SPDEF: variants seen among roughly 807,000 people sequenced by gnomAD.
SPDEF encodes SAM pointed domain-containing Ets transcription factor.
A neutral mutation model predicts 36.0 loss-of-function variants in SPDEF; 12 were observed. The ratio of observed to expected loss-of-function variants is 0.33; its 90% CI spans 0.21 to 0.54. The LOEUF is 0.54. Among genes scored for constraint, SPDEF ranks in the 20% least tolerant of loss-of-function variants. The probability of loss-of-function intolerance (pLI) is 0.93; values close to 1 mark genes in which losing one functional copy is unlikely to be tolerated. For missense variants in SPDEF, 388 were observed against 456.9 expected, an observed-to-expected ratio of 0.85 and a Z score of 1.37; for synonymous variants, 205 against 193.0, an observed-to-expected ratio of 1.06 and a Z score of -0.51.
chr6:34,545,511 C>T (rs1561979393), intron 1 of SPDEF, among the ~76,000 whole-genome samples: 2 of 152,256 alleles, frequency 1.3e-5, no homozygotes, highest in East Asian at 3.8e-4. Flanking sequence ...AAACCAATAG[C>T]AGAGTGCACA....
intron 1 of SPDEF, among the ~76,000 whole-genome samples, chr6:34,551,034 C>A (rs143504516): frequency 3.3e-5 from 5 of 152,328 alleles, no homozygotes; most frequent in Non-Finnish European, 5.9e-5. Context: ...GCTGGGGCAG[C>A]CAGCATTATT....
rs191776876 is a variant in SPDEF at position 34,540,697 on chromosome 6, G to A, written c.634+287C>T. Among the ~76,000 whole-genome samples the A allele has an allele frequency of 4.4e-3, 671 of 152,264 alleles. 6 individuals carry two copies. The highest frequency in any genetic ancestry group is 0.014 in the African/African-American group (599 of 41,544). On this transcript the variant is annotated intron_variant, in intron 3 of 5. Coordinates refer to ENST00000374037, the MANE Select transcript of SPDEF (RefSeq NM_012391.3). ...GGAAAAAGGACTTCCTAGTATCCAC[G>A]GTTGTCCCCAGCTCTGACATCCTGC...
intron 2 of SPDEF, among the ~76,000 whole-genome samples, chr6:34,543,511 TTG>T (rs1393504569): frequency 6.6e-6 from 1 of 152,208 alleles, no homozygotes; most frequent in Non-Finnish European, 1.5e-5. Flanking sequence ...TTTCATTTTT[TTG>T]TTTGTTTTCT....
Position 34,544,156 on chromosome 6 carries a change from G to A in SPDEF, c.300C>T (p.Ala100=). The A allele has an allele frequency of 6.2e-7, 1 of 1,613,862 alleles. No individual in the cohort carries two copies. The highest frequency in any genetic ancestry group is 1.3e-5 in the African/African-American group (1 of 75,054). The change falls in exon 2 of 6, where the codon GCC becomes GCT. Residue 100 remains alanine, a synonymous_variant. Transcript: ENST00000374037. The surrounding 1 kb of genome is among the most constrained non-coding windows in gnomAD (Gnocchi z 4.4). ...PEQCPVIDSQ[A]PAGSLDLVPG... ...GCACCAAGTCCAGGCTGCCCGCTGG[G>A]GCTTGGCTGTCAATGACCGGGCACT...
Position 34,544,048 on chromosome 6 carries a change from C to T in SPDEF, c.408G>A (p.Thr136=), listed in dbSNP as rs111689760. 1.1e-4 allele frequency: 177 copies of T among 1,611,874 alleles called. No homozygotes were observed. The African/African-American group carries it at 1.3e-3, about 12-fold the overall frequency. The part of the protein sequence containing the change: ...VVGEVLKDIE[T]ACKLLNITAD... The stretch of plus-strand genomic sequence containing the variant: ...CGGTGATGTTGAGCAGCTTGCAGGC[C>T]GTCTCGATGTCCTTGAGCACTTCGC... Residue 136 remains threonine (T), a synonymous_variant, in exon 2 of 6, where the codon ACG becomes ACA. Coordinates refer to ENST00000374037, the MANE Select transcript of SPDEF (RefSeq NM_012391.3). The surrounding 1 kb of genome is among the most constrained non-coding windows in gnomAD (Gnocchi z 4.4).
At position 34,544,503 on chromosome 6, in the gene SPDEF, A is replaced by C; in HGVS notation, c.-29-19T>G. The C allele has an allele frequency of 6.8e-7, 1 of 1,477,822 alleles. No homozygotes were observed. Among genetic ancestry groups the C allele is most frequent in the East Asian group, 2.4e-5 (1 of 42,058 alleles). 91.5% of individuals were successfully genotyped at this position (1,477,822 alleles called of 1,614,324 possible). Reference sequence around the variant, plus strand: ...GCTGTGTCTACGGAAATGAAAGAGGACTCAGGTTTGACTGCTTCTCCATCC... The same window carrying C: ...GCTGTGTCTACGGAAATGAAAGAGGCCTCAGGTTTGACTGCTTCTCCATCC... On this transcript the variant is annotated intron_variant, in intron 1 of 5. Coordinates refer to ENST00000374037, the MANE Select transcript of SPDEF (RefSeq NM_012391.3). This position sits in a 1 kb window ranked among gnomAD's most constrained non-coding sequence, Gnocchi z 4.4.
In SPDEF at chr6:34,542,060, C is replaced by T. The variant is rs530584002; in HGVS notation, c.437-879G>A. 1.1e-3 allele frequency among the ~76,000 whole-genome samples: 169 copies of T among 152,336 alleles called. No homozygotes were observed. The Middle Eastern group carries it at 0.027, about 25-fold the overall frequency. ...ATTGTTGAGGGAGCAGGGCCCTCCC[C>T]TCCCTAGCCCTGTGGGTGGGGAGGA... is the stretch of plus-strand genomic sequence containing the variant. On this transcript the variant is annotated intron_variant, in intron 2 of 5. Coordinates refer to ENST00000374037, the MANE Select transcript of SPDEF (RefSeq NM_012391.3).
intron 1 of SPDEF, among the ~76,000 whole-genome samples, chr6:34,553,118 G>A (rs550567063): frequency 3.9e-5 from 6 of 152,172 alleles, no homozygotes; most frequent in Admixed American, 1.3e-4. Flanking sequence ...GGTCCCATCC[G>A]ACCCCCAGCA....
Position 34,538,213 on chromosome 6 carries a change from T to C in SPDEF, c.*61A>G. On this transcript the variant is annotated 3_prime_UTR_variant, in exon 6 of 6. Transcript: ENST00000374037. The surrounding 1 kb of genome is among the most constrained non-coding windows in gnomAD (Gnocchi z 5.9). ...GTTTTCCCCCATCTCAGGGCCTGGC[T>C]GAGGCAGGGCAGGCAGGAGAGAGGC... 1.3e-6 allele frequency: 2 copies of C among 1,539,372 alleles called. No individual in the cohort carries two copies. Among genetic ancestry groups the C allele is most frequent in the Non-Finnish European group, 1.8e-6 (2 of 1,126,404 alleles).
Position 34,539,294 on chromosome 6 carries a change from G to T in SPDEF, c.785C>A (p.Pro262His). 2 of 1,613,954 alleles carry T rather than the reference G, an allele frequency of 1.2e-6. No homozygotes were observed. The highest frequency in any genetic ancestry group is 2.2e-5 in the South Asian group (2 of 91,084). The change falls in exon 5 of 6, where the codon CCC (proline) becomes CAC (histidine). Residue 262 changes from proline to histidine, a missense_variant. Transcript: ENST00000374037. The surrounding 1 kb of genome is among the most constrained non-coding windows in gnomAD (Gnocchi z 5.2). ...CCTAATGAAGCGGCCATAGCTGTGG[G>T]GCTTGAGTAGCAACTCCTTGAGGAA... ...WQFLKELLLKPHSYGRFIRWL... is the reference protein window; with the variant it reads ...WQFLKELLLKHHSYGRFIRWL...
chr6:34,538,167 G>C lies in SPDEF; in HGVS notation c.*107C>G, dbSNP rs1767733942. 5 of 1,279,832 alleles carry C rather than the reference G, an allele frequency of 3.9e-6. No homozygotes were observed. In the South Asian group the frequency reaches 4.1e-5, roughly 11 times the overall value. The allele number at this position is 1,279,832 out of a possible 1,614,324, so 79.3% of individuals were successfully genotyped here. ...CCTGACCTTGGGCTCTGGAAGGTCA[G>C]AGCAGCAGAGCAGACTGCCCGTTTT... On this transcript the variant is annotated 3_prime_UTR_variant, in exon 6 of 6. Coordinates refer to ENST00000374037, the MANE Select transcript of SPDEF (RefSeq NM_012391.3). The surrounding 1 kb of genome is among the most constrained non-coding windows in gnomAD (Gnocchi z 5.9).
Position 34,555,087 on chromosome 6 carries a change from G to T in SPDEF, c.-30+842C>A, listed in dbSNP as rs545344728. Among the ~76,000 whole-genome samples the T allele has an allele frequency of 6.6e-6, 1 of 151,594 alleles. No individual in the cohort carries two copies. The highest frequency in any genetic ancestry group is 1.5e-5 in the Non-Finnish European group (1 of 67,850). On this transcript the variant is annotated intron_variant, in intron 1 of 5. Transcript: ENST00000374037. The surrounding 1 kb of genome is among the most constrained non-coding windows in gnomAD (Gnocchi z 5.2). ...ACACACATGCACATGCAACACGCAC[G>T]CGCACATGCACACACCACACACACA... is the stretch of plus-strand genomic sequence containing the variant.
In SPDEF at chr6:34,555,747, A is replaced by G. The variant is rs1232943808; in HGVS notation, c.-30+182T>C. ...GGCCCAGAGAGGCAGTCTGGGGAGC[A>G]TGAGGAGGGGGCAAGGAATTCTGAG... is the stretch of plus-strand genomic sequence containing the variant. On this transcript the variant is annotated intron_variant, in intron 1 of 5. Coordinates refer to ENST00000374037, the MANE Select transcript of SPDEF (RefSeq NM_012391.3). The surrounding 1 kb of genome is among the most constrained non-coding windows in gnomAD (Gnocchi z 5.2). 6.6e-6 allele frequency among the ~76,000 whole-genome samples: 1 copy of G among 152,136 alleles called. No homozygotes were observed. The highest frequency in any genetic ancestry group is 1.5e-5 in the Non-Finnish European group (1 of 68,006).
chr6:34,554,104 G>A (rs962625293), intron 1 of SPDEF, among the ~76,000 whole-genome samples: 3 of 152,128 alleles, frequency 2.0e-5, no homozygotes, highest in Non-Finnish European at 4.4e-5. Flanking sequence ...ACCCGCCCAC[G>A]GTCCCACATG....
chr6:34,546,994 C>A (rs1377180844), intron 1 of SPDEF, among the ~76,000 whole-genome samples: 5 of 132,666 alleles, frequency 3.8e-5, no homozygotes, highest in African/African-American at 6.7e-5. Flanking sequence ...CCCTGGGGAC[C>A]CCCCCCCGCA....
chr6:34,539,581 G>A lies in SPDEF; in HGVS notation c.635-19C>T, dbSNP rs1196717291. ...CAGGCCGCTGCAGGGCAAGGAGAGG[G>A]GGTTGGGGACCCAGGAGAGGCCCCG... On this transcript the variant is annotated intron_variant, in intron 3 of 5. Transcript: ENST00000374037. This position sits in a 1 kb window ranked among gnomAD's most constrained non-coding sequence, Gnocchi z 5.2. 5.1e-6 allele frequency: 8 copies of A among 1,561,192 alleles called. No homozygotes were observed. The highest frequency in any genetic ancestry group is 6.9e-6 in the Non-Finnish European group (8 of 1,153,464).
rs113198781 is a variant in SPDEF at position 34,555,058 on chromosome 6, G to A, written c.-30+871C>T. 3.3e-5 allele frequency among the ~76,000 whole-genome samples: 5 copies of A among 151,878 alleles called. No individual in the cohort carries two copies. Among genetic ancestry groups the A allele is most frequent in the East Asian group, 3.9e-4 (2 of 5,160 alleles). On this transcript the variant is annotated intron_variant, in intron 1 of 5. Transcript: ENST00000374037. This position sits in a 1 kb window ranked among gnomAD's most constrained non-coding sequence, Gnocchi z 5.2. ...GCCCCTCCCCAACATGCACACACAC[G>A]CACACACACATGCACATGCAACACG...
chr6:34,549,236 G>T (rs1026457424), intron 1 of SPDEF, among the ~76,000 whole-genome samples: 4 of 152,218 alleles, frequency 2.6e-5, no homozygotes, highest in Non-Finnish European at 5.9e-5. Flanking sequence ...TCCCACTCCA[G>T]ACAAAGAAAG....
At chr6:34,547,240 G>A (rs1412816533) in intron 1 of SPDEF, among the ~76,000 whole-genome samples, 1 of 151,660 alleles carries the variant, frequency 6.6e-6, no homozygotes, top group African/African-American at 2.4e-5. Context: ...GTTGTGTGGG[G>A]TCGGTGGGGA....
Sources: gnomAD v4.1 joint callset for allele counts (sites outside exome capture counted in the v4.1 genomes callset) on GRCh38, gnomAD v4.1.1 for gene constraint, Gnocchi (gnomAD v3.1) non-coding constraint, MANE v1.5 for transcripts, NCBI Gene and HGNC (gene_info 2026-07-23, HGNC 2026-07-21) for gene names.